Variants in RNF13 observed in about 807,000 individuals in gnomAD.
RNF13 encodes the protein E3 ubiquitin-protein ligase RNF13.
Under a neutral mutation model 37.7 loss-of-function variants are expected in RNF13, and 19 were observed. The ratio of observed to expected loss-of-function variants is 0.50; its 90% CI spans 0.35 to 0.74. RNF13 has a LOEUF of 0.74. Ranked by LOEUF, RNF13 falls within the 30% of genes least tolerant of loss-of-function variation. The pLI is 0.01. For missense variants in RNF13, 375 were observed against 453.0 expected (o/e 0.83, Z 1.56); for synonymous variants, 144 against 157.8 (o/e 0.91, Z 0.65).
chr3:149,833,757 G>A (rs552960873), intron 1 of RNF13, among the ~76,000 whole-genome samples: 1 of 152,256 alleles, frequency 6.6e-6, no homozygotes, highest in Admixed American at 6.5e-5. Flanking sequence ...AGAAGTCCTA[G>A]CCAGAGCAAT....
chr3:149,856,120 A>C (rs1723621379), intron 3 of RNF13, among the ~76,000 whole-genome samples: 1 of 141,536 alleles, frequency 7.1e-6, no homozygotes. Context: ...CTGCCTGACC[A>C]AAAAAAAAAA....
chr3:149,814,789 T>C (rs533904827), intron 1 of RNF13, among the ~76,000 whole-genome samples: 2 of 152,348 alleles, frequency 1.3e-5, no homozygotes, highest in African/African-American at 4.8e-5. Flanking sequence ...TCTGTGACAT[T>C]TTCCGTAAAT....
At chr3:149,883,602 G>A (rs148481467) in intron 4 of RNF13, among the ~76,000 whole-genome samples, 14 of 151,128 alleles carry the variant, frequency 9.3e-5, no homozygotes, top group East Asian at 5.8e-4. Context: ...TCATAATTCC[G>A]TATCCATGTA....
At chr3:149,907,345 G>A (rs576986812) in intron 6 of RNF13, among the ~76,000 whole-genome samples, 78 of 152,180 alleles carry the variant, frequency 5.1e-4, no homozygotes, top group Non-Finnish European at 9.0e-4. Flanking sequence ...AAAGCTTCTC[G>A]TTTCTTTAAG....
intron 1 of RNF13, among the ~76,000 whole-genome samples, chr3:149,835,091 T>C (rs1350754245): frequency 6.6e-6 from 1 of 152,044 alleles, no homozygotes; most frequent in African/African-American, 2.4e-5. Context: ...AAAGAAAGCT[T>C]CACAACATTG....
intron 3 of RNF13, among the ~76,000 whole-genome samples, chr3:149,861,000 TG>T (rs1475309976): frequency 2.0e-5 from 3 of 151,940 alleles, no homozygotes; most frequent in Admixed American, 2.0e-4. Context: ...AACGGGCATA[TG>T]AAAAAAATGT....
chr3:149,844,706 A>G (rs1476095689), intron 1 of RNF13, among the ~76,000 whole-genome samples: 1 of 152,178 alleles, frequency 6.6e-6, no homozygotes, highest in African/African-American at 2.4e-5. Flanking sequence ...GTACCATGGT[A>G]TGTTATGAAA....
In RNF13 at chr3:149,829,354, C is replaced by G. The variant is rs952614494; in HGVS notation, c.-17+16001C>G. On this transcript the variant is annotated intron_variant, in intron 1 of 9. Transcript: ENST00000392894. Reference sequence around the variant, plus strand: ...ACCTCGGGCGATCCTCCTGCCTCGGCCTCCCAAAGTGTTGGGATTACAGGT... The same window carrying G: ...ACCTCGGGCGATCCTCCTGCCTCGGGCTCCCAAAGTGTTGGGATTACAGGT... Among the ~76,000 whole-genome samples the G allele has an allele frequency of 2.6e-5, 4 of 152,316 alleles. No homozygotes were observed. In the South Asian group the frequency reaches 6.2e-4, roughly 24 times the overall value.
chr3:149,871,198 T>C (rs981536146), intron 3 of RNF13, among the ~76,000 whole-genome samples: 1 of 151,678 alleles, frequency 6.6e-6, no homozygotes, highest in Non-Finnish European at 1.5e-5. Flanking sequence ...TGTGCCACCA[T>C]GCTCGGCTAA....
In RNF13 at chr3:149,902,290, A is replaced by G. The variant is rs1576848907; in HGVS notation, c.500+128A>G. 1.1e-5 allele frequency: 5 copies of G among 474,526 alleles called. No homozygotes were observed. In the East Asian group the frequency reaches 1.5e-4, roughly 14 times the overall value. The allele number at this position is 474,526 out of a possible 1,614,324, so 29.4% of individuals were successfully genotyped here. ...GTAGTGCTAAATTATCCCTTTTTAA[A>G]TCATTATGCTTTTAAGACGTAGTAT... On this transcript the variant is annotated intron_variant, in intron 6 of 9. Transcript: ENST00000392894.
chr3:149,895,632 C>A, intron 5 of RNF13, 72 bp downstream of exon 5: 1 of 1,063,052 alleles, frequency 9.4e-7, no homozygotes, highest in Non-Finnish European at 1.4e-6. Context: ...ACAGGATTTT[C>A]CTTCTCTCAT....
intron 3 of RNF13, among the ~76,000 whole-genome samples, chr3:149,853,284 T>A (rs1723278976): frequency 6.6e-6 from 1 of 152,178 alleles, no homozygotes; most frequent in Admixed American, 6.5e-5. Flanking sequence ...TATTTTCAGT[T>A]CTTCCTCCAA....
intron 3 of RNF13, among the ~76,000 whole-genome samples, chr3:149,868,013 G>T (rs1051326725): frequency 6.6e-6 from 1 of 151,708 alleles, no homozygotes; most frequent in Non-Finnish European, 1.5e-5. Context: ...GACATTTTAA[G>T]TGACATAGAA....
intron 3 of RNF13, among the ~76,000 whole-genome samples, chr3:149,853,966 G>T (rs985791653): frequency 1.3e-5 from 2 of 151,232 alleles, no homozygotes; most frequent in African/African-American, 4.9e-5. Context: ...CCTCCCGAGT[G>T]GCTGAGACTA....
chr3:149,898,952 G>A (rs1715538508), intron 5 of RNF13, among the ~76,000 whole-genome samples: 1 of 152,182 alleles, frequency 6.6e-6, no homozygotes, highest in Non-Finnish European at 1.5e-5. Context: ...ATTTCTGAAG[G>A]AGGGTATTCC....
chr3:149,931,352 C>A (rs1719144028), intron 8 of RNF13, among the ~76,000 whole-genome samples: 1 of 152,176 alleles, frequency 6.6e-6, no homozygotes, highest in Non-Finnish European at 1.5e-5. Flanking sequence ...CATGAGCCAC[C>A]ACACCCAGCC....
intron 3 of RNF13, among the ~76,000 whole-genome samples, chr3:149,869,116 TC>T (rs1366988035): frequency 1.4e-4 from 21 of 151,728 alleles, no homozygotes; most frequent in Non-Finnish European, 5.9e-5. Flanking sequence ...CTTGATCCAT[TC>T]TGATGTTGAG....
chr3:149,844,783 AT>A (rs927833687), intron 1 of RNF13, among the ~76,000 whole-genome samples: 3 of 152,210 alleles, frequency 2.0e-5, no homozygotes, highest in African/African-American at 7.2e-5. Context: ...TTGAGATACA[AT>A]TCTCACATTA....
chr3:149,907,293 A>T (rs1480097263), intron 6 of RNF13, among the ~76,000 whole-genome samples: 1 of 152,236 alleles, frequency 6.6e-6, no homozygotes, highest in African/African-American at 2.4e-5. Flanking sequence ...GTTAAATAGT[A>T]GTAGAGATAG....
Sources: allele counts gnomAD v4.1 joint callset (sites outside exome capture counted in the v4.1 genomes callset), GRCh38; gene constraint gnomAD v4.1.1; transcripts MANE v1.5; gene names NCBI Gene and HGNC (gene_info 2026-07-23, HGNC 2026-07-21).